ARHGEF10L: variants seen among roughly 807,000 people sequenced by gnomAD.
ARHGEF10L encodes Rho guanine nucleotide exchange factor 10 like, also known as rho guanine nucleotide exchange factor 10-like protein.
In ARHGEF10L, 69 loss-of-function variants were observed where a neutral mutation model predicts 141.2. That is an observed-to-expected ratio of 0.49 (90% CI 0.40 to 0.60). The LOEUF (loss-of-function observed/expected upper bound fraction) is 0.60. ARHGEF10L is among the 20% of genes least tolerant of loss of function. The pLI is 0.00. For missense variants in ARHGEF10L, 1,482 were observed against 1,734.3 expected, an observed-to-expected ratio of 0.85 and a Z score of 2.58; for synonymous variants, 711 against 718.5, an observed-to-expected ratio of 0.99 and a Z score of 0.17.
At chr1:17,655,259 CATCCATCTATCCACCCACCT>C (rs1294660368) in intron 23 of ARHGEF10L, among the ~76,000 whole-genome samples, 1 of 152,184 alleles carries the variant, frequency 6.6e-6, no homozygotes, top group African/African-American at 2.4e-5. Context: ...ATCCATCATC[CATCCATCTATCCACCCACCT>C]ATCCATCTAT....
At position 17,687,590 on chromosome 1, in the gene ARHGEF10L, C is replaced by G. The variant is rs752018849; in HGVS notation, c.3027C>G (p.His1009Gln). 6.2e-7 allele frequency: 1 copy of G among 1,613,096 alleles called. No individual in the cohort carries two copies. The highest frequency in any genetic ancestry group is 1.1e-5 in the South Asian group (1 of 91,086). The change falls in exon 27 of 29, where the codon CAC becomes CAG. Residue 1009 changes from histidine to glutamine, a missense_variant. His to Gln is a conservative substitution (Grantham distance 24). Around this residue, in one of 3 missense-constraint regions of ARHGEF10L, gnomAD observed 858 missense variants for 966.3 expected, o/e 0.89. Coordinates refer to ENST00000361221, the MANE Select transcript of ARHGEF10L (RefSeq NM_018125.4). Reference sequence around the variant, plus strand: ...TGCCACAGCAAAGCTTCGAGGCGCACCAGGACGAGGCAGTGAGCGTGACAC... The same window carrying G: ...TGCCACAGCAAAGCTTCGAGGCGCAGCAGGACGAGGCAGTGAGCGTGACAC... ...TLQPQQSFEAHQDEAVSVTHM... is the reference protein window; with the variant it reads ...TLQPQQSFEAQQDEAVSVTHM...
intron 4 of ARHGEF10L, among the ~76,000 whole-genome samples, chr1:17,597,814 G>A (rs960784355): frequency 6.6e-6 from 1 of 152,192 alleles, no homozygotes; most frequent in Admixed American, 6.5e-5. Flanking sequence ...TTGATAAGGT[G>A]CAGCGAGGAG....
chr1:17,690,775 C>A (rs2102552870), intron 27 of ARHGEF10L, among the ~76,000 whole-genome samples: 1 of 152,320 alleles, frequency 6.6e-6, no homozygotes, highest in African/African-American at 2.4e-5. Context: ...GAGCTCCAAG[C>A]TGAGCCAGAG....
At chr1:17,692,027 AGAG>A (rs1159976982) in intron 27 of ARHGEF10L, among the ~76,000 whole-genome samples, 1 of 152,238 alleles carries the variant, frequency 6.6e-6, no homozygotes, top group Non-Finnish European at 1.5e-5. Flanking sequence ...AGGGCTAAGA[AGAG>A]AAGTCAGCTG....
chr1:17,593,200 C>T (rs2079738133), intron 4 of ARHGEF10L, among the ~76,000 whole-genome samples: 1 of 152,198 alleles, frequency 6.6e-6, no homozygotes, highest in Non-Finnish European at 1.5e-5. Context: ...GGGACTCTGC[C>T]TCACTCGTTT....
At chr1:17,591,720 A>G (rs1001537674) in intron 4 of ARHGEF10L, among the ~76,000 whole-genome samples, 5 of 150,200 alleles carry the variant, frequency 3.3e-5, no homozygotes, top group South Asian at 2.1e-4. Context: ...CCTAACTTTC[A>G]TATTTTTTGT....
chr1:17,565,951 C>G (rs112065609), intron 1 of ARHGEF10L, among the ~76,000 whole-genome samples: 127 of 152,276 alleles, frequency 8.3e-4, no homozygotes, highest in African/African-American at 2.9e-3. Flanking sequence ...TCTCTGCCCC[C>G]ACAGTCTAGC....
Position 17,627,383 on chromosome 1 carries a change from G to T in ARHGEF10L, c.1464G>T (p.Leu488=), listed in dbSNP as rs2060447606. Residue 488 remains leucine (L), a synonymous_variant, in exon 15 of 29, where the codon CTG becomes CTT. Transcript: ENST00000361221. This position sits in a 1 kb window ranked among gnomAD's most constrained non-coding sequence, Gnocchi z 4.0. ...RGHPDRLSLQ[L]ALTELETLAE... ...ATCCGGACAGGCTGTCGCTGCAGCT[G>T]GCCCTCACAGAGCTGGAGACGCTGG... The T allele has an allele frequency of 6.2e-7, 1 of 1,614,110 alleles. No individual in the cohort carries two copies. Among genetic ancestry groups the T allele is most frequent in the Non-Finnish European group, 8.5e-7 (1 of 1,180,044 alleles).
chr1:17,515,281 C>T, the ARHGEF10L span, among the ~76,000 whole-genome samples: 10,302 of 137,114 alleles, frequency 0.075, 430 homozygotes, highest in Middle Eastern at 0.18. Context: ...GATATTATTT[C>T]TTTTTCTCTC....
intron 1 of ARHGEF10L, among the ~76,000 whole-genome samples, chr1:17,541,867 T>C (rs1486081579): frequency 1.3e-5 from 2 of 152,164 alleles, no homozygotes; most frequent in African/African-American, 4.8e-5. Context: ...CTCGGGAGGC[T>C]GAAGCAGGAG....
intron 27 of ARHGEF10L, chr1:17,689,823 G>C: frequency 2.2e-6 from 1 of 455,980 alleles, no homozygotes; most frequent in South Asian, 1.5e-5. Flanking sequence ...TCTTGTCTGC[G>C]CAGAGGAGAG....
upstream of ARHGEF10L, among the ~76,000 whole-genome samples, chr1:17,535,151 T>C (rs1202770668): frequency 6.6e-6 from 1 of 151,720 alleles, no homozygotes; most frequent in Admixed American, 6.6e-5. Flanking sequence ...CATCTGGGGG[T>C]GATGGGAGAC....
intron 3 of ARHGEF10L, 117 bp from the exon 4 acceptor site, chr1:17,588,329 A>C: frequency 8.8e-7 from 1 of 1,135,546 alleles, no homozygotes; most frequent in African/African-American, 1.6e-5. Context: ...AGGCACCCAG[A>C]CTGGCCAGGC....
the ARHGEF10L span, among the ~76,000 whole-genome samples, chr1:17,521,073 G>A: frequency 3.3e-5 from 5 of 152,150 alleles, no homozygotes; most frequent in Admixed American, 3.3e-4. Flanking sequence ...TTTCACAGGG[G>A]GATTTTATGG....
intron 15 of ARHGEF10L, among the ~76,000 whole-genome samples, chr1:17,630,847 A>G (rs1317944334): frequency 2.0e-5 from 3 of 152,206 alleles, no homozygotes; most frequent in Non-Finnish European, 4.4e-5. Flanking sequence ...GATGCTTTGG[A>G]GAACAACAGC....
At position 17,664,569 on chromosome 1, in the gene ARHGEF10L, C is replaced by T; in HGVS notation, c.2983C>T (p.Leu995=). The T allele has an allele frequency of 6.2e-7, 1 of 1,602,690 alleles. No homozygotes were observed. Among genetic ancestry groups the T allele is most frequent in the Non-Finnish European group, 8.5e-7 (1 of 1,176,850 alleles). ...CAGCTGTGGGCCCCGGGTCACTGTC[C>T]TGGAAGCCACCACCCTGCAGCCTCA... ...WASCGPRVTV[L]EATTLQPQQS... Residue 995 remains leucine (L), a synonymous_variant, in exon 26 of 29, where the codon CTG becomes TTG. Coordinates refer to ENST00000361221, the MANE Select transcript of ARHGEF10L (RefSeq NM_018125.4).
chr1:17,606,587 A>G (rs1217210336), intron 6 of ARHGEF10L, among the ~76,000 whole-genome samples: 1 of 149,752 alleles, frequency 6.7e-6, no homozygotes. Context: ...AGCCACCGCG[A>G]CCAGTCAGAT....
chr1:17,559,912 C>G (rs1360991255), intron 1 of ARHGEF10L, among the ~76,000 whole-genome samples: 2 of 152,070 alleles, frequency 1.3e-5, no homozygotes, highest in African/African-American at 4.8e-5. Flanking sequence ...CACTCCTGTC[C>G]CTCCACACCT....
At chr1:17,550,440 T>C (rs1338428307) in intron 1 of ARHGEF10L, among the ~76,000 whole-genome samples, 1 of 151,626 alleles carries the variant, frequency 6.6e-6, no homozygotes, top group Non-Finnish European at 1.5e-5. Flanking sequence ...GTTGGGAGTT[T>C]GAGACCAGCC....
Sources: allele counts gnomAD v4.1 joint callset (sites outside exome capture counted in the v4.1 genomes callset), GRCh38; gene constraint gnomAD v4.1.1; regional missense constraint gnomAD v4.1.1; non-coding constraint Gnocchi (gnomAD v3.1); transcripts MANE v1.5; gene names NCBI Gene and HGNC (gene_info 2026-07-23, HGNC 2026-07-21).